ATXN2: variants seen among roughly 807,000 people sequenced by gnomAD.
ATXN2 encodes the protein ataxin-2.
ATXN2 carries 37 observed loss-of-function variants against 138.6 expected under a neutral mutation model. The ratio of observed to expected loss-of-function variants is 0.27; its 90% CI spans 0.21 to 0.35. The LOEUF (loss-of-function observed/expected upper bound fraction) is 0.35, where lower values mean the gene tolerates loss of function less well. ATXN2 is among the 10% of genes least tolerant of loss of function. The pLI is 1.00. For missense variants in ATXN2, 1,216 were observed against 1,480.3 expected (o/e 0.82, Z 2.93); for synonymous variants, 549 against 543.7 (o/e 1.01, Z -0.13).
Position 111,526,828 on chromosome 12 carries a change from C to A in ATXN2, c.572-1512G>T, listed in dbSNP as rs73412444. ...CATGTCTATGTACAGTGGTCAATAT[C>A]CCAGCAAACTCTTGCCATTAGTAAA... On this transcript the variant is annotated intron_variant, in intron 5 of 24. Transcript: ENST00000673436. 2.8e-3 allele frequency among the ~76,000 whole-genome samples: 433 copies of A among 152,278 alleles called. 1 individual carries two copies. Among genetic ancestry groups the A allele is most frequent in the African/African-American group, 9.9e-3 (412 of 41,552 alleles).
At chr12:111,488,029 T>C (rs1226532570) in intron 15 of ATXN2, among the ~76,000 whole-genome samples, 1 of 152,162 alleles carries the variant, frequency 6.6e-6, no homozygotes, top group Non-Finnish European at 1.5e-5. Flanking sequence ...TTAACAAATC[T>C]AAACATTAAC....
In ATXN2 at chr12:111,516,391, G is replaced by A; in HGVS notation, c.1166-28C>T. ...GACAGAACAAATGATATGAAGGAAA[G>A]TATAAAAACTAAAGAAAAAAATGAG... On this transcript the variant is annotated intron_variant, in intron 9 of 24. Coordinates refer to ENST00000673436, the MANE Select transcript of ATXN2 (RefSeq NM_001372574.1). The surrounding 1 kb of genome is among the most constrained non-coding windows in gnomAD (Gnocchi z 5.0). 3 of 1,510,274 alleles carry A rather than the reference G, an allele frequency of 2.0e-6. No homozygotes were observed. The highest frequency in any genetic ancestry group is 2.7e-6 in the Non-Finnish European group (3 of 1,123,934). The allele number at this position is 1,510,274 out of a possible 1,614,324, so 93.6% of individuals were successfully genotyped here.
chr12:111,490,977 G>T (rs905538627), intron 14 of ATXN2, among the ~76,000 whole-genome samples: 3 of 152,062 alleles, frequency 2.0e-5, no homozygotes, highest in Non-Finnish European at 4.4e-5. Flanking sequence ...TGAATTTCGG[G>T]CTGGGCACTA....
chr12:111,534,846 T>C (rs886962003), intron 5 of ATXN2, among the ~76,000 whole-genome samples: 1 of 151,666 alleles, frequency 6.6e-6, no homozygotes, highest in Non-Finnish European at 1.5e-5. Flanking sequence ...AAAAAGAAAA[T>C]GTTAAAGTCT....
At chr12:111,497,439 A>G (rs2135713474) in intron 14 of ATXN2, among the ~76,000 whole-genome samples, 1 of 152,330 alleles carries the variant, frequency 6.6e-6, no homozygotes, top group South Asian at 2.1e-4. Flanking sequence ...ACTAGAAGCC[A>G]GTGTCTCTGA....
chr12:111,529,737 C>G (rs1880708288), intron 5 of ATXN2, among the ~76,000 whole-genome samples: 1 of 152,172 alleles, frequency 6.6e-6, no homozygotes, highest in Non-Finnish European at 1.5e-5. Context: ...CCTCTTTTAC[C>G]TCTGAGCCAA....
intron 5 of ATXN2, among the ~76,000 whole-genome samples, chr12:111,541,799 A>T (rs1392508636): frequency 2.7e-5 from 4 of 147,144 alleles, no homozygotes; most frequent in African/African-American, 9.9e-5. Context: ...ATATTATAAA[A>T]ATTTTTTTTT....
At position 111,457,199 on chromosome 12, in the gene ATXN2, C is replaced by A; in HGVS notation, c.3042+15G>T. On this transcript the variant is annotated intron_variant, in intron 22 of 24. Transcript: ENST00000673436. ...TAAAGAAGCCACTCCATGCAGACCT[C>A]TGAGTTGCCCTTACCTGAACAGGAC... 1.2e-6 allele frequency: 2 copies of A among 1,607,688 alleles called. No individual in the cohort carries two copies. Among genetic ancestry groups the A allele is most frequent in the Non-Finnish European group, 1.7e-6 (2 of 1,177,508 alleles).
chr12:111,489,275 A>G (rs1206615575), intron 14 of ATXN2, among the ~76,000 whole-genome samples: 2 of 152,198 alleles, frequency 1.3e-5, no homozygotes, highest in Non-Finnish European at 2.9e-5. Context: ...AGTATGTTTA[A>G]AAATCCAAAG....
At chr12:111,585,333 C>G (rs1380281298) in intron 1 of ATXN2, among the ~76,000 whole-genome samples, 6 of 145,488 alleles carry the variant, frequency 4.1e-5, no homozygotes, top group East Asian at 4.2e-4. Context: ...GCCAATATGG[C>G]AAAACCCCAT....
chr12:111,597,687 G>A, intron 1 of ATXN2: 1 of 496,008 alleles, frequency 2.0e-6, no homozygotes, highest in East Asian at 6.9e-5. Context: ...GGACAACACT[G>A]AGCCCCCAGC....
chr12:111,509,877 C>T lies in ATXN2; in HGVS notation c.1864+14G>A. Reference sequence around the variant, plus strand: ...ATTCCTACAGTTAAGCTTAATGACTCTTTAAACTCTAACCTTTGTTTTCAG... The same window carrying T: ...ATTCCTACAGTTAAGCTTAATGACTTTTTAAACTCTAACCTTTGTTTTCAG... On this transcript the variant is annotated intron_variant, in intron 13 of 24. Coordinates refer to ENST00000673436, the MANE Select transcript of ATXN2 (RefSeq NM_001372574.1). 6.4e-7 allele frequency: 1 copy of T among 1,572,488 alleles called. No individual in the cohort carries two copies. Among genetic ancestry groups the T allele is most frequent in the Non-Finnish European group, 8.7e-7 (1 of 1,143,678 alleles).
intron 6 of ATXN2, among the ~76,000 whole-genome samples, chr12:111,522,913 CAA>C (rs756702684): frequency 2.7e-5 from 4 of 150,878 alleles, no homozygotes; most frequent in Admixed American, 6.6e-5. Context: ...GACTCCGTCT[CAA>C]AAAGAGTTTC....
intron 20 of ATXN2, 131 bp from the exon 21 acceptor site, chr12:111,464,846 C>A: frequency 3.0e-6 from 2 of 664,156 alleles, no homozygotes. Flanking sequence ...AGATGACAAG[C>A]ACTTTAAACA....
chr12:111,482,254 G>A (rs1877295501), intron 18 of ATXN2, among the ~76,000 whole-genome samples: 1 of 148,490 alleles, frequency 6.7e-6, no homozygotes, highest in Admixed American at 6.8e-5. Context: ...GAGTGCAGTG[G>A]CACCATCTCA....
Position 111,470,878 on chromosome 12 carries a change from C to G in ATXN2, c.2525-136G>C, listed in dbSNP as rs11065916. 17,037 of 866,650 alleles carry G rather than the reference C, an allele frequency of 0.02. 1,848 individuals carry two copies. The African/African-American group carries it at 0.24, about 12-fold the overall frequency. The allele number at this position is 866,650 out of a possible 1,614,324, so 53.7% of individuals were successfully genotyped here. On this transcript the variant is annotated intron_variant, in intron 18 of 24. Transcript: ENST00000673436. Reference sequence around the variant, plus strand: ...ATGCCATCTCATACCACTCCCACTTCTGCCACTCTGGGTTATTTTCCTATC... The same window carrying G: ...ATGCCATCTCATACCACTCCCACTTGTGCCACTCTGGGTTATTTTCCTATC...
chr12:111,513,259 C>A, intron 11 of ATXN2, 98 bp downstream of exon 11: 1 of 1,361,318 alleles, frequency 7.3e-7, no homozygotes, highest in Non-Finnish European at 1.0e-6. Flanking sequence ...TTAACATATA[C>A]ATACTTACAC....
At chr12:111,466,139 C>G (rs1391460040) in intron 20 of ATXN2, among the ~76,000 whole-genome samples, 1 of 148,856 alleles carries the variant, frequency 6.7e-6, no homozygotes, top group Non-Finnish European at 1.5e-5. Context: ...GCACTCCAGC[C>G]TGGGTGGCAG....
intron 14 of ATXN2, among the ~76,000 whole-genome samples, chr12:111,497,843 C>T (rs1334267627): frequency 2.0e-5 from 3 of 151,890 alleles, no homozygotes; most frequent in Non-Finnish European, 2.9e-5. Context: ...GGTGAAACCC[C>T]GTCTCTACTA....
Sources: allele counts gnomAD v4.1 joint callset (sites outside exome capture counted in the v4.1 genomes callset), GRCh38; gene constraint gnomAD v4.1.1; non-coding constraint Gnocchi (gnomAD v3.1); transcripts MANE v1.5; gene names NCBI Gene and HGNC (gene_info 2026-07-23, HGNC 2026-07-21).